Variants in ALK observed in about 807,000 individuals in gnomAD.
The protein encoded by ALK is ALK tyrosine kinase receptor.
ALK carries 74 observed loss-of-function variants against 163.1 expected under a neutral mutation model. The observed-to-expected ratio is 0.45, with a 90% CI of 0.38 to 0.55. The LOEUF (loss-of-function observed/expected upper bound fraction) is 0.55, where lower values mean the gene tolerates loss of function less well. Ranked by LOEUF, ALK falls within the 20% of genes least tolerant of loss-of-function variation. The probability of loss-of-function intolerance (pLI) is 0.00; values close to 1 mark genes in which losing one functional copy is unlikely to be tolerated. For missense variants in ALK, 2,063 were observed against 2,105.3 expected (o/e 0.98, Z 0.39); for synonymous variants, 960 against 843.2 (o/e 1.14, Z -2.40).
intron 3 of ALK, among the ~76,000 whole-genome samples, chr2:29,570,127 A>T (rs946015362): frequency 3.9e-5 from 6 of 152,202 alleles, no homozygotes; most frequent in Non-Finnish European, 8.8e-5. Flanking sequence ...GCTACTTAGG[A>T]TTATTTATTT....
At chr2:29,465,583 G>A (rs1251209261) in intron 4 of ALK, among the ~76,000 whole-genome samples, 1 of 151,972 alleles carries the variant, frequency 6.6e-6, no homozygotes, top group Non-Finnish European at 1.5e-5. Context: ...AATCCCAGCT[G>A]CTCAGGAAGC....
chr2:29,271,934 T>C (rs1290980794), intron 11 of ALK, among the ~76,000 whole-genome samples: 1 of 152,200 alleles, frequency 6.6e-6, no homozygotes. Flanking sequence ...GCTGAGCTGA[T>C]TCCCTTAGAC....
chr2:29,569,282 CA>C (rs1674285591), intron 3 of ALK, among the ~76,000 whole-genome samples: 1 of 110,886 alleles, frequency 9.0e-6, no homozygotes, highest in Non-Finnish European at 1.8e-5. Flanking sequence ...TCTATAATTA[CA>C]GCAACAGCTG....
intron 3 of ALK, among the ~76,000 whole-genome samples, chr2:29,641,032 C>T (rs910718533): frequency 6.6e-6 from 1 of 152,062 alleles, no homozygotes; most frequent in Non-Finnish European, 1.5e-5. Context: ...CAGTATAGTG[C>T]TTGGCGGGGG....
chr2:29,293,807 C>G lies in ALK; in HGVS notation c.1817+3081G>C, dbSNP rs144086081. 2.4e-3 allele frequency among the ~76,000 whole-genome samples: 256 copies of G among 108,358 alleles called. 1 individual carries two copies. Among genetic ancestry groups the G allele is most frequent in the African/African-American group, 7.8e-3 (249 of 32,064 alleles). 71.1% of individuals were successfully genotyped at this position (108,358 alleles called of 152,430 possible). A position where few individuals can be genotyped will look rare whatever the true frequency, so the allele number is the denominator to read the frequency against. On this transcript the variant is annotated intron_variant, in intron 9 of 28. Transcript: ENST00000389048. ...AGGCATCCCCAAAGCCACAGGAAGC[C>G]ACAGAAGGATTTCCAAAATAGGAAA... is the stretch of plus-strand genomic sequence containing the variant.
intron 5 of ALK, among the ~76,000 whole-genome samples, chr2:29,374,668 G>C (rs912720327): frequency 1.3e-5 from 2 of 152,182 alleles, no homozygotes; most frequent in African/African-American, 4.8e-5. Context: ...GTGCGCTGCA[G>C]GGGGCGCAGA....
At chr2:29,446,407 A>G (rs1670685883) in intron 4 of ALK, among the ~76,000 whole-genome samples, 1 of 152,110 alleles carries the variant, frequency 6.6e-6, no homozygotes, top group South Asian at 2.1e-4. Context: ...AGCCCTACCA[A>G]GTACACAGGT....
chr2:29,234,874 C>T (rs1338580104), intron 13 of ALK, among the ~76,000 whole-genome samples: 4 of 152,194 alleles, frequency 2.6e-5, no homozygotes, highest in East Asian at 1.9e-4. Flanking sequence ...CACCATGCCC[C>T]GCTAATTTTT....
At chr2:29,843,800 G>A (rs1208336161) in intron 1 of ALK, among the ~76,000 whole-genome samples, 1 of 152,122 alleles carries the variant, frequency 6.6e-6, no homozygotes, top group Non-Finnish European at 1.5e-5. Context: ...GATATATAGG[G>A]AGCATTCATA....
intron 2 of ALK, among the ~76,000 whole-genome samples, chr2:29,702,521 C>T (rs1440751841): frequency 3.3e-5 from 5 of 152,174 alleles, no homozygotes; most frequent in African/African-American, 1.2e-4. Context: ...GGGTGTACGG[C>T]TCAGGAAGCC....
chr2:29,585,629 G>A (rs1674863590), intron 3 of ALK, among the ~76,000 whole-genome samples: 1 of 152,010 alleles, frequency 6.6e-6, no homozygotes. Flanking sequence ...TGCCCACCCT[G>A]TCAATTGTTT....
At chr2:29,400,865 C>T (rs1669427629) in intron 4 of ALK, among the ~76,000 whole-genome samples, 1 of 152,040 alleles carries the variant, frequency 6.6e-6, no homozygotes, top group Non-Finnish European at 1.5e-5. Flanking sequence ...GCCCCAGCTA[C>T]TTGGGAGGCT....
chr2:29,222,631 G>A (rs2148169518), intron 20 of ALK, 24 bp from the exon 21 acceptor site: 1 of 1,608,016 alleles, frequency 6.2e-7, no homozygotes, highest in Non-Finnish European at 8.5e-7. Flanking sequence ...AAGACAAGAG[G>A]AGACAGAGTC....
rs115577214 is a variant in ALK, at chr2:29,209,243, T to C, written c.3836+543A>G. 3.6e-3 allele frequency among the ~76,000 whole-genome samples: 551 copies of C among 152,218 alleles called. 7 individuals are homozygous for C. The highest frequency in any genetic ancestry group is 0.012 in the African/African-American group (506 of 41,544). ...CAGTTGGAACCGATGGACAACCTAA[T>C]TAAGAACTTGGTGTTGGCTGGGCAT... On this transcript the variant is annotated intron_variant, in intron 25 of 28. Transcript: ENST00000389048.
At chr2:29,697,305 T>C (rs930879688) in intron 2 of ALK, among the ~76,000 whole-genome samples, 1 of 152,116 alleles carries the variant, frequency 6.6e-6, no homozygotes, top group African/African-American at 2.4e-5. Flanking sequence ...GTTTATTTTC[T>C]CTTGGGGAGT....
At chr2:29,530,989 C>T (rs140152781) in intron 4 of ALK, among the ~76,000 whole-genome samples, 1 of 152,240 alleles carries the variant, frequency 6.6e-6, no homozygotes, top group Non-Finnish European at 1.5e-5. Context: ...CAAGAAATTA[C>T]GAAGGAGGCC....
intron 1 of ALK, among the ~76,000 whole-genome samples, chr2:29,776,851 C>T (rs1681190863): frequency 6.6e-6 from 1 of 152,148 alleles, no homozygotes; most frequent in South Asian, 2.1e-4. Context: ...AACCCCAAGT[C>T]TTAGTTCACG....
chr2:29,318,541 G>A lies in ALK; in HGVS notation c.1547-137C>T, dbSNP rs548507941. ...GGAAACAGGTTTCTGGCCTGCAATG[G>A]AGAAGAAAGCCCACCTGTCAACAAT... On this transcript the variant is annotated intron_variant, in intron 7 of 28. Coordinates refer to ENST00000389048, the MANE Select transcript of ALK (RefSeq NM_004304.5). 173 of 682,146 alleles carry A rather than the reference G, an allele frequency of 2.5e-4. 1 individual carries two copies. The Admixed American group carries it at 3.7e-3, about 15-fold the overall frequency. 42.3% of individuals were successfully genotyped at this position (682,146 alleles called of 1,614,324 possible). A position where few individuals can be genotyped will look rare whatever the true frequency, so the allele number is the denominator to read the frequency against.
At chr2:29,204,140 T>G (rs1669255835) in intron 26 of ALK, among the ~76,000 whole-genome samples, 3 of 152,232 alleles carry the variant, frequency 2.0e-5, no homozygotes, top group Non-Finnish European at 4.4e-5. Flanking sequence ...TGGAAGAAAC[T>G]ATGAATACAC....
Sources: allele counts gnomAD v4.1 joint callset (sites outside exome capture counted in the v4.1 genomes callset), GRCh38; gene constraint gnomAD v4.1.1; transcripts MANE v1.5; gene names NCBI Gene and HGNC (gene_info 2026-07-23, HGNC 2026-07-21).